The following JCAD variants were observed in gnomAD, a reference collection of about 807,000 sequenced individuals.
The protein encoded by JCAD is junctional cadherin 5-associated protein.
Under a neutral mutation model 98.0 loss-of-function variants are expected in JCAD, and 40 were observed. That is an observed-to-expected ratio of 0.41 (90% confidence interval 0.32 to 0.53). The LOEUF is 0.53. Among genes scored for constraint, JCAD ranks in the 20% least tolerant of loss-of-function variants. The pLI, the probability that JCAD is intolerant of heterozygous loss-of-function variation, is 0.31. For missense variants in JCAD, 1,705 were observed against 1,738.1 expected, an observed-to-expected ratio of 0.98 and a Z score of 0.34; for synonymous variants, 691 against 682.3, an observed-to-expected ratio of 1.01 and a Z score of -0.20.
rs183033536 is a variant in JCAD, at chr10:30,076,011, A to T, written n.129-6190T>A. Reference sequence around the variant, plus strand: ...ATGTGGTTTTACTTCCAATTTGTAAATATGGTTCAAACAGGGACTTTTTTT... The same window carrying T: ...ATGTGGTTTTACTTCCAATTTGTAATTATGGTTCAAACAGGGACTTTTTTT... On this transcript the variant is annotated intron_variant and non_coding_transcript_variant, in intron 1 of 2. Transcript: ENST00000465712. Among the ~76,000 whole-genome samples the T allele has an allele frequency of 4.6e-5, 7 of 152,078 alleles. No homozygotes were observed. In the East Asian group the frequency reaches 1.2e-3, roughly 25 times the overall value.
intron 2 of JCAD, among the ~76,000 whole-genome samples, chr10:30,032,397 G>A (rs1837021893): frequency 6.6e-6 from 1 of 152,272 alleles, no homozygotes; most frequent in South Asian, 2.1e-4. Flanking sequence ...GCAACCAAAG[G>A]AAAGTATCTG....
chr10:30,053,796 C>T (rs917684634), intron 1 of JCAD, among the ~76,000 whole-genome samples: 4 of 151,474 alleles, frequency 2.6e-5, no homozygotes, highest in Non-Finnish European at 4.4e-5. Flanking sequence ...GGTGCAGTGG[C>T]TCACACTTGT....
At chr10:30,085,513 T>C (rs180717767) in intron 1 of JCAD, among the ~76,000 whole-genome samples, 291 of 152,236 alleles carry the variant, frequency 1.9e-3, no homozygotes, top group Non-Finnish European at 2.8e-3. Context: ...AAGGAAGCAG[T>C]GTGATCATGA....
At position 30,029,269 on chromosome 10, in the gene JCAD, G is replaced by C. The variant is rs773638687; in HGVS notation, c.879C>G (p.Leu293=). ...GGTGCGAGCTGTAAGATGGGGGCTT[G>C]AGGGGCCTCCCAAACTTAGGCCGGG... ...PFPRPKFGRP[L]KPPSYSSHQQ... Residue 293 remains leucine (L), a synonymous_variant, in exon 3 of 4, where the codon CTC becomes CTG. Transcript: ENST00000375377. 1 of 1,614,184 alleles carries C rather than the reference G, an allele frequency of 6.2e-7. No homozygotes were observed. The highest frequency in any genetic ancestry group is 2.2e-5 in the East Asian group (1 of 44,872).
At chr10:30,089,301 G>C (rs1454655058) in intron 1 of JCAD, among the ~76,000 whole-genome samples, 1 of 152,184 alleles carries the variant, frequency 6.6e-6, no homozygotes, top group Non-Finnish European at 1.5e-5. Context: ...GTGCAACGTG[G>C]CACCACAGTG....
intron 1 of JCAD, among the ~76,000 whole-genome samples, chr10:30,109,819 AACCACCTGATGTATGG>A (rs1838656310): frequency 6.6e-6 from 1 of 151,486 alleles, no homozygotes; most frequent in Non-Finnish European, 1.5e-5. Flanking sequence ...CTGATGTATG[AACCACCTGATGTATGG>A]ACCAGCTGAT....
chr10:30,030,919 C>A (rs1015441930), intron 2 of JCAD, among the ~76,000 whole-genome samples: 2 of 149,860 alleles, frequency 1.3e-5, no homozygotes, highest in African/African-American at 5.0e-5. Flanking sequence ...GCGAGGCAAT[C>A]AGGCATCCGA....
chr10:30,110,176 CGCTGATGTATGGACCT>C (rs367592749), intron 1 of JCAD, among the ~76,000 whole-genome samples: 1,643 of 151,438 alleles, frequency 0.011, 35 homozygotes, highest in African/African-American at 0.038. Context: ...TGTATGGACC[CGCTGATGTATGGACCT>C]GCTGATGTAT....
intron 2 of JCAD, among the ~76,000 whole-genome samples, chr10:30,039,343 C>T (rs916757008): frequency 5.3e-5 from 8 of 152,206 alleles, no homozygotes; most frequent in East Asian, 3.9e-4. Flanking sequence ...GGTGACTGCA[C>T]GCAGGGCAGA....
chr10:30,098,242 C>T (rs1252072704), intron 1 of JCAD, among the ~76,000 whole-genome samples: 1 of 152,136 alleles, frequency 6.6e-6, no homozygotes, highest in Admixed American at 6.5e-5. Context: ...CTAGGCTGAT[C>T]GTCCTTCTGC....
rs1838023048 is a variant in JCAD at position 30,078,702 on chromosome 10, A to G, written n.129-8881T>C. Among the ~76,000 whole-genome samples, 6 of 152,306 alleles carry G rather than the reference A, an allele frequency of 3.9e-5. No homozygotes were observed. The South Asian group carries it at 1.2e-3, about 32-fold the overall frequency. ...CAGGTCCCCTTTACACTACTACACA[A>G]AAAGTCACAGGACAATCGTATGTTC... On this transcript the variant is annotated intron_variant and non_coding_transcript_variant, in intron 1 of 2. Coordinates refer to the JCAD transcript ENST00000465712.
At chr10:30,072,484 T>C (rs1837910627) in intron 1 of JCAD, among the ~76,000 whole-genome samples, 1 of 152,176 alleles carries the variant, frequency 6.6e-6, no homozygotes, top group African/African-American at 2.4e-5. Context: ...TAGCAAGACA[T>C]CTGATGACAA....
Position 30,026,779 on chromosome 10 carries a change from G to A in JCAD, c.3369C>T (p.Ser1123=). 3 of 1,614,140 alleles carry A rather than the reference G, an allele frequency of 1.9e-6. No homozygotes were observed. Among genetic ancestry groups the A allele is most frequent in the Non-Finnish European group, 2.5e-6 (3 of 1,180,040 alleles). The part of the protein sequence containing the change: ...EPDASACTPE[S]PQEELLSRPA... ...GGCGAGATAGCAACTCTTCCTGGGG[G>A]GACTCTGGGGTGCAGGCACTTGCAT... is the stretch of plus-strand genomic sequence containing the variant. The change falls in exon 3 of 4, where the codon TCC becomes TCT. Residue 1123 remains serine (S), a synonymous_variant. Coordinates refer to ENST00000375377, the MANE Select transcript of JCAD (RefSeq NM_020848.4).
At chr10:30,076,304 G>C (rs974168613) in intron 1 of JCAD, among the ~76,000 whole-genome samples, 8 of 152,120 alleles carry the variant, frequency 5.3e-5, no homozygotes, top group Non-Finnish European at 1.2e-4. Flanking sequence ...TGGGATTACA[G>C]GTGTGAGCCA....
chr10:30,024,942 G>A (rs905493430), intron 3 of JCAD, among the ~76,000 whole-genome samples: 4 of 151,914 alleles, frequency 2.6e-5, no homozygotes, highest in East Asian at 3.9e-4. Context: ...TGATCCACCC[G>A]CCTCGGCCTC....
chr10:30,043,930 T>C (rs1331831207), intron 2 of JCAD, among the ~76,000 whole-genome samples: 2 of 152,248 alleles, frequency 1.3e-5, no homozygotes, highest in Non-Finnish European at 2.9e-5. Flanking sequence ...ATGTTTATTC[T>C]GTCTAAAACT....
chr10:30,068,879 C>A (rs941228208), intron 2 of JCAD, among the ~76,000 whole-genome samples: 1 of 152,224 alleles, frequency 6.6e-6, no homozygotes, highest in Non-Finnish European at 1.5e-5. Flanking sequence ...CCTTGTCTCT[C>A]CTTGCCTTTC....
chr10:30,039,822 C>T (rs964313155), intron 2 of JCAD, among the ~76,000 whole-genome samples: 3 of 152,134 alleles, frequency 2.0e-5, no homozygotes, highest in Non-Finnish European at 4.4e-5. Flanking sequence ...TCCAGTGGAA[C>T]GCTGTCGGCA....
At position 30,027,200 on chromosome 10, in the gene JCAD, C is replaced by T; in HGVS notation, c.2948G>A (p.Ser983Asn). 6.2e-7 allele frequency: 1 copy of T among 1,614,208 alleles called. No individual in the cohort carries two copies. Among genetic ancestry groups the T allele is most frequent in the Non-Finnish European group, 8.5e-7 (1 of 1,180,024 alleles). Residue 983 changes from serine (S) to asparagine (N), a missense_variant, in exon 3 of 4, where the codon AGT becomes AAT. Around this residue, in one of 3 missense-constraint regions of JCAD, gnomAD observed 1,278 missense variants for 1,243.1 expected, o/e 1.03. Transcript: ENST00000375377. ...GGACGCGGGCAGTGGTTTTGCGTCA[C>T]TTGATCTTGAAGACATTCTCGTCAC... Reference protein sequence around the residue: ...FPVTRMSSRSSDAKPLPASYP... With the variant: ...FPVTRMSSRSNDAKPLPASYP...
Sources: allele counts gnomAD v4.1 joint callset (sites outside exome capture counted in the v4.1 genomes callset), GRCh38; gene constraint gnomAD v4.1.1; regional missense constraint gnomAD v4.1.1; transcripts MANE v1.5; gene names NCBI Gene and HGNC (gene_info 2026-07-23, HGNC 2026-07-21).